The following ZSWIM6 variants were observed in gnomAD, a reference collection of about 807,000 sequenced individuals.
ZSWIM6 encodes the protein zinc finger SWIM domain-containing protein 6.
In ZSWIM6, 9 loss-of-function variants were observed where a neutral mutation model predicts 113.2. That is an observed-to-expected ratio of 0.08 (90% CI 0.05 to 0.14). The LOEUF (loss-of-function observed/expected upper bound fraction) is 0.14. ZSWIM6 is among the 10% of genes least tolerant of loss of function. The pLI is 1.00. For missense variants in ZSWIM6, 1,162 were observed against 1,552.2 expected, an observed-to-expected ratio of 0.75 and a Z score of 4.22; for synonymous variants, 611 against 606.5, an observed-to-expected ratio of 1.01 and a Z score of -0.11.
intron 1 of ZSWIM6, among the ~76,000 whole-genome samples, chr5:61,379,323 A>G (rs1015466476): frequency 1.8e-4 from 28 of 151,932 alleles, no homozygotes; most frequent in African/African-American, 6.8e-4. Context: ...GACCTCGTGT[A>G]GGGAAATCTT....
At chr5:61,471,366 C>A (rs1440979444) in intron 1 of ZSWIM6, among the ~76,000 whole-genome samples, 1 of 152,134 alleles carries the variant, frequency 6.6e-6, no homozygotes, top group African/African-American at 2.4e-5. Context: ...TTTAGGATAG[C>A]CTTCCTATGC....
intron 1 of ZSWIM6, among the ~76,000 whole-genome samples, chr5:61,378,251 T>C (rs535379638): frequency 6.6e-6 from 1 of 152,354 alleles, no homozygotes; most frequent in East Asian, 1.9e-4. Context: ...ATGTTCATTA[T>C]AGAAGACTGG....
chr5:61,526,513 C>T (rs1343115003), intron 7 of ZSWIM6, 117 bp downstream of exon 7: 71 of 1,180,384 alleles, frequency 6.0e-5, no homozygotes, highest in East Asian at 4.0e-4. Flanking sequence ...TGGCTTTACT[C>T]GCCATTCATT....
At chr5:61,428,582 G>A (rs1746512001) in intron 1 of ZSWIM6, among the ~76,000 whole-genome samples, 1 of 151,052 alleles carries the variant, frequency 6.6e-6, no homozygotes, top group Non-Finnish European at 1.5e-5. Flanking sequence ...TGTTGATAAG[G>A]TTGGTCTCAG....
chr5:61,406,995 G>A (rs1561225382), intron 1 of ZSWIM6, among the ~76,000 whole-genome samples: 1 of 152,198 alleles, frequency 6.6e-6, no homozygotes, highest in South Asian at 2.1e-4. Context: ...TTACAGGCGT[G>A]AGCCATTGCA....
intron 1 of ZSWIM6, among the ~76,000 whole-genome samples, chr5:61,460,517 C>T (rs868701525): frequency 6.6e-6 from 1 of 152,076 alleles, no homozygotes; most frequent in Non-Finnish European, 1.5e-5. Context: ...AACATGGCTT[C>T]GGAAATGGGG....
intron 1 of ZSWIM6, among the ~76,000 whole-genome samples, chr5:61,423,701 A>G (rs137930274): frequency 2.0e-5 from 3 of 152,174 alleles, no homozygotes; most frequent in Non-Finnish European, 4.4e-5. Context: ...ATGGTTATCT[A>G]TGCATTCAGC....
In ZSWIM6 at chr5:61,341,944, A is replaced by G. The variant is rs1010246254; in HGVS notation, c.676+8996A>G. Among the ~76,000 whole-genome samples the G allele has an allele frequency of 6.9e-5, 10 of 144,300 alleles. 1 individual carries two copies. Among genetic ancestry groups the G allele is most frequent in the Admixed American group, 6.5e-4 (9 of 13,804 alleles). The allele number at this position is 144,300 out of a possible 152,430, so 94.7% of individuals were successfully genotyped here. ...GCCCAGGCTGGAGTGCAGTGGTGCA[A>G]TCTCAGCTTACTGCAGCCTCTGCCT... On this transcript the variant is annotated intron_variant, in intron 1 of 13. Coordinates refer to ENST00000252744, the MANE Select transcript of ZSWIM6 (RefSeq NM_020928.2).
chr5:61,392,462 C>G (rs1378121536), intron 1 of ZSWIM6, among the ~76,000 whole-genome samples: 1 of 152,136 alleles, frequency 6.6e-6, no homozygotes, highest in Non-Finnish European at 1.5e-5. Flanking sequence ...TCACAGTTAA[C>G]AGTTTGGTGA....
chr5:61,346,386 T>G (rs982410271), intron 1 of ZSWIM6, among the ~76,000 whole-genome samples: 1 of 152,212 alleles, frequency 6.6e-6, no homozygotes, highest in African/African-American at 2.4e-5. Flanking sequence ...TAGTGTAATC[T>G]TTCTGTAGTT....
At chr5:61,475,894 G>A (rs2112189937) in intron 2 of ZSWIM6, among the ~76,000 whole-genome samples, 2 of 152,312 alleles carry the variant, frequency 1.3e-5, no homozygotes, top group South Asian at 4.1e-4. Flanking sequence ...TTCTAAAGCA[G>A]TACTTTCTTG....
intron 1 of ZSWIM6, among the ~76,000 whole-genome samples, chr5:61,396,923 A>G (rs538605716): frequency 6.6e-6 from 1 of 152,304 alleles, no homozygotes; most frequent in Non-Finnish European, 1.5e-5. Flanking sequence ...GGAGTATTAT[A>G]AACATAATAA....
Position 61,450,482 on chromosome 5 carries a change from G to A in ZSWIM6, c.677-22199G>A, listed in dbSNP as rs374555513. 2.6e-4 allele frequency among the ~76,000 whole-genome samples: 40 copies of A among 152,164 alleles called. No homozygotes were observed. The South Asian group carries it at 8.3e-3, about 32-fold the overall frequency. ...TTATTTAAAAATAAATAATTGCTAG[G>A]CCAAGTAAGGGCCACAAAAAAGTAT... On this transcript the variant is annotated intron_variant, in intron 1 of 13. Coordinates refer to ENST00000252744, the MANE Select transcript of ZSWIM6 (RefSeq NM_020928.2).
Position 61,539,714 on chromosome 5 carries a change from G to A in ZSWIM6, c.2658G>A (p.Leu886=), listed in dbSNP as rs747223386. Reference sequence around the variant, plus strand: ...AAATAGCAACTCTCATGGACAGTTTGCCAGACATCACTCTTTTGAAAGTGT... The same window carrying A: ...AAATAGCAACTCTCATGGACAGTTTACCAGACATCACTCTTTTGAAAGTGT... ...AFKIATLMDS[L]PDITLLKVSL... is the part of the protein sequence containing the mutation. Residue 886 remains leucine (L), a synonymous_variant, in exon 12 of 14, where the codon TTG becomes TTA. Coordinates refer to ENST00000252744, the MANE Select transcript of ZSWIM6 (RefSeq NM_020928.2). 2.6e-6 allele frequency: 4 copies of A among 1,551,562 alleles called. No individual in the cohort carries two copies. In the African/African-American group the frequency reaches 5.5e-5, roughly 21 times the overall value.
chr5:61,416,217 G>A (rs1579985132), intron 1 of ZSWIM6, among the ~76,000 whole-genome samples: 1 of 152,224 alleles, frequency 6.6e-6, no homozygotes, highest in East Asian at 1.9e-4. Context: ...TTTTCACAGT[G>A]TTGTTGTACC....
At chr5:61,353,339 G>A (rs908191884) in intron 1 of ZSWIM6, among the ~76,000 whole-genome samples, 2 of 152,110 alleles carry the variant, frequency 1.3e-5, no homozygotes, top group Non-Finnish European at 2.9e-5. Flanking sequence ...ACAACTTTGA[G>A]GAGAAGGTAT....
intron 1 of ZSWIM6, among the ~76,000 whole-genome samples, chr5:61,333,737 T>C (rs1744321976): frequency 6.6e-6 from 1 of 152,070 alleles, no homozygotes; most frequent in Non-Finnish European, 1.5e-5. Context: ...GAGGAGGAGC[T>C]GCTAGCGCTT....
intron 4 of ZSWIM6, among the ~76,000 whole-genome samples, chr5:61,504,547 G>T (rs1412804019): frequency 6.6e-6 from 1 of 152,140 alleles, no homozygotes; most frequent in South Asian, 2.1e-4. Context: ...AGTGCATTAA[G>T]AAATTGTTTT....
intron 1 of ZSWIM6, among the ~76,000 whole-genome samples, chr5:61,361,037 T>C (rs1163696991): frequency 2.6e-5 from 4 of 152,112 alleles, no homozygotes; most frequent in African/African-American, 9.7e-5. Flanking sequence ...ATATATATTC[T>C]TGTGGTCTTT....
Sources: allele counts gnomAD v4.1 joint callset (sites outside exome capture counted in the v4.1 genomes callset), GRCh38; gene constraint gnomAD v4.1.1; transcripts MANE v1.5; gene names NCBI Gene and HGNC (gene_info 2026-07-23, HGNC 2026-07-21).